MAN1A2: variants seen among roughly 807,000 people sequenced by gnomAD.
MAN1A2 encodes mannosidase alpha class 1A member 2, also known as mannosyl-oligosaccharide 1,2-alpha-mannosidase IB.
Under a neutral mutation model 75.7 loss-of-function variants are expected in MAN1A2, and 26 were observed. That is an observed-to-expected ratio of 0.34 (90% CI 0.25 to 0.48). The LOEUF (loss-of-function observed/expected upper bound fraction) is 0.48. Ranked by LOEUF, MAN1A2 falls within the 20% of genes least tolerant of loss-of-function variation. The pLI is 0.99. For missense variants in MAN1A2, 562 were observed against 775.5 expected (o/e 0.72, Z 3.27); for synonymous variants, 247 against 264.6 (o/e 0.93, Z 0.65).
At chr1:117,408,610 A>G (rs879902101) in intron 3 of MAN1A2, among the ~76,000 whole-genome samples, 6 of 152,026 alleles carry the variant, frequency 3.9e-5, no homozygotes, top group African/African-American at 7.2e-5. Flanking sequence ...CTTTTCTTGT[A>G]TTATCTTTGT....
intron 1 of MAN1A2, among the ~76,000 whole-genome samples, chr1:117,378,809 T>C (rs1653240271): frequency 6.6e-6 from 1 of 152,150 alleles, no homozygotes; most frequent in Non-Finnish European, 1.5e-5. Context: ...TTTCAACATA[T>C]TTATTGACTA....
At chr1:117,483,777 T>C (rs1650577171) in intron 8 of MAN1A2, among the ~76,000 whole-genome samples, 1 of 152,062 alleles carries the variant, frequency 6.6e-6, no homozygotes, top group Admixed American at 6.6e-5. Context: ...CTATGTTGAA[T>C]AGGAGTGGTG....
intron 8 of MAN1A2, among the ~76,000 whole-genome samples, chr1:117,473,863 C>T (rs1650235178): frequency 6.6e-6 from 1 of 151,934 alleles, no homozygotes; most frequent in South Asian, 2.1e-4. Flanking sequence ...AATTAGAAGG[C>T]ATTTAACTGC....
At chr1:117,520,843 A>G (rs1651848859) in intron 12 of MAN1A2, among the ~76,000 whole-genome samples, 1 of 152,092 alleles carries the variant, frequency 6.6e-6, no homozygotes, top group African/African-American at 2.4e-5. Flanking sequence ...GGAACAAAAA[A>G]AGAGCCTACA....
chr1:117,434,718 G>C (rs1166385111), intron 5 of MAN1A2, among the ~76,000 whole-genome samples: 1 of 150,452 alleles, frequency 6.6e-6, no homozygotes, highest in Non-Finnish European at 1.5e-5. Flanking sequence ...AGTGACTAAA[G>C]CAAGTTATAG....
At chr1:117,483,225 C>T (rs1056751143) in intron 8 of MAN1A2, among the ~76,000 whole-genome samples, 27 of 152,080 alleles carry the variant, frequency 1.8e-4, no homozygotes, top group Admixed American at 1.4e-3. Flanking sequence ...AATGCAGGCT[C>T]ATTTTTGGTT....
chr1:117,387,258 G>A (rs542921418), intron 1 of MAN1A2, among the ~76,000 whole-genome samples: 2 of 151,868 alleles, frequency 1.3e-5, no homozygotes, highest in Non-Finnish European at 2.9e-5. Context: ...TGTTGGAGTG[G>A]ATATGGAAAA....
chr1:117,413,193 T>C (rs1007758293), intron 3 of MAN1A2, among the ~76,000 whole-genome samples: 2 of 151,862 alleles, frequency 1.3e-5, no homozygotes, highest in East Asian at 3.9e-4. Flanking sequence ...TGAAGGGAAC[T>C]GAGTAGGTAG....
intron 5 of MAN1A2, among the ~76,000 whole-genome samples, chr1:117,431,250 A>G (rs1172673913): frequency 7.1e-6 from 1 of 141,714 alleles, no homozygotes; most frequent in Non-Finnish European, 1.5e-5. Flanking sequence ...TTTCATAATG[A>G]AAAAAAGGAT....
At chr1:117,431,424 TC>T (rs2101798790) in intron 5 of MAN1A2, among the ~76,000 whole-genome samples, 1 of 152,166 alleles carries the variant, frequency 6.6e-6, no homozygotes, top group East Asian at 1.9e-4. Context: ...GTTGGATCCT[TC>T]AACATTCTTC....
intron 1 of MAN1A2, among the ~76,000 whole-genome samples, chr1:117,382,998 C>T (rs945223652): frequency 7.9e-5 from 12 of 152,150 alleles, no homozygotes; most frequent in Admixed American, 4.6e-4. Context: ...TTTACTTCTT[C>T]CTTTCCAATT....
rs911862883 is a variant in MAN1A2, at chr1:117,466,416, G to A, written c.1157G>A (p.Arg386His). 2.7e-5 allele frequency: 43 copies of A among 1,600,352 alleles called. No individual in the cohort carries two copies. Among genetic ancestry groups the A allele is most frequent in the Admixed American group, 8.6e-5 (5 of 58,424 alleles). Residue 386 changes from arginine (R) to histidine (H), a missense_variant, in exon 8 of 13, where the codon CGC becomes CAC. Around this residue, in one of 2 missense-constraint regions of MAN1A2, gnomAD observed 434 missense variants for 645.7 expected, o/e 0.67. Transcript: ENST00000356554. Reference protein sequence around the residue: ...YPNYLNPRTGRWGQYHTSVGG... With the variant: ...YPNYLNPRTGHWGQYHTSVGG... The stretch of plus-strand genomic sequence containing the variant: ...AATTATTTGAACCCCAGAACAGGGC[G>A]CTGGGGTCAGTGTAAGTATTCTAGT...
chr1:117,432,962 G>T (rs1023006136), intron 5 of MAN1A2, among the ~76,000 whole-genome samples: 1 of 148,436 alleles, frequency 6.7e-6, no homozygotes, highest in Non-Finnish European at 1.5e-5. Flanking sequence ...TAATATAAAA[G>T]ATAATATATC....
chr1:117,442,067 G>T (rs891616675), intron 5 of MAN1A2, among the ~76,000 whole-genome samples, 164 bp from the exon 6 acceptor site: 7 of 152,078 alleles, frequency 4.6e-5, no homozygotes, highest in Non-Finnish European at 1.0e-4. Context: ...TTGCAAACAT[G>T]CTCTCTGATT....
At chr1:117,452,505 A>G (rs984736206) in intron 6 of MAN1A2, among the ~76,000 whole-genome samples, 4 of 152,210 alleles carry the variant, frequency 2.6e-5, no homozygotes, top group African/African-American at 7.2e-5. Context: ...AAAGTGAAAT[A>G]GTTATATTGC....
chr1:117,377,424 C>T (rs1653186253), intron 1 of MAN1A2, among the ~76,000 whole-genome samples: 1 of 152,130 alleles, frequency 6.6e-6, no homozygotes, highest in Admixed American at 6.5e-5. Context: ...TATCAACTAA[C>T]TTATAGTGCA....
intron 12 of MAN1A2, chr1:117,515,875 A>T (rs944472594): frequency 1.3e-5 from 2 of 152,124 alleles, no homozygotes; most frequent in African/African-American, 4.8e-5. Context: ...ACTTAATACT[A>T]CTGAACTATA....
intron 6 of MAN1A2, among the ~76,000 whole-genome samples, chr1:117,456,393 G>C (rs4659328): frequency 6.6e-6 from 1 of 151,900 alleles, no homozygotes; most frequent in African/African-American, 2.4e-5. Context: ...GAATGAATGG[G>C]GGAGCTGAAA....
intron 5 of MAN1A2, among the ~76,000 whole-genome samples, chr1:117,426,685 G>T (rs78391343): frequency 6.6e-6 from 1 of 152,062 alleles, no homozygotes; most frequent in Admixed American, 6.6e-5. Flanking sequence ...ATGGCCATAC[G>T]AGCACTTGAA....
Sources: allele counts gnomAD v4.1 joint callset (sites outside exome capture counted in the v4.1 genomes callset), GRCh38; gene constraint gnomAD v4.1.1; regional missense constraint gnomAD v4.1.1; transcripts MANE v1.5; gene names NCBI Gene and HGNC (gene_info 2026-07-23, HGNC 2026-07-21).